Variants in KCNAB1 observed in about 807,000 individuals in gnomAD.
KCNAB1 encodes potassium voltage-gated channel subfamily A regulatory beta subunit 1.
KCNAB1 carries 35 observed loss-of-function variants against 64.6 expected under a neutral mutation model. The ratio of observed to expected loss-of-function variants is 0.54; its 90% CI spans 0.41 to 0.72. The LOEUF is 0.72. Among genes scored for constraint, KCNAB1 ranks in the 30% least tolerant of loss-of-function variants. The probability of loss-of-function intolerance (pLI) is 0.00; values close to 1 mark genes in which losing one functional copy is unlikely to be tolerated. For synonymous variants in KCNAB1, 177 were observed against 183.8 expected (o/e 0.96, Z 0.30); for missense variants, 401 against 512.9 (o/e 0.78, Z 2.11).
chr3:156,290,974 G>A, intron 1 of KCNAB1: 2 of 985,518 alleles, frequency 2.0e-6, no homozygotes, highest in Non-Finnish European at 2.4e-6. Flanking sequence ...CAGTCACAGA[G>A]TATTCACGTG....
rs1187838239 is a variant in KCNAB1 at position 156,140,146 on chromosome 3, A to T, written c.275+19260A>T. ...TCAATAAAAGATAAAAAGAGTTAAG[A>T]CTCTGATCCCAAGCCTCTGGACACT... is the stretch of plus-strand genomic sequence containing the variant. On this transcript the variant is annotated intron_variant, in intron 1 of 13. Coordinates refer to ENST00000490337, the MANE Select transcript of KCNAB1 (RefSeq NM_172160.3). Among the ~76,000 whole-genome samples, 8 of 152,180 alleles carry T rather than the reference A, an allele frequency of 5.3e-5. No homozygotes were observed. In the East Asian group the frequency reaches 1.3e-3, roughly 26 times the overall value.
At chr3:156,536,033 T>C (rs1322193049) in intron 13 of KCNAB1, among the ~76,000 whole-genome samples, 2 of 152,234 alleles carry the variant, frequency 1.3e-5, no homozygotes, top group Non-Finnish European at 2.9e-5. Flanking sequence ...CAGTTCACTT[T>C]TCCATGCTAT....
At chr3:156,268,380 A>T (rs1024811765) in intron 1 of KCNAB1, among the ~76,000 whole-genome samples, 2 of 152,184 alleles carry the variant, frequency 1.3e-5, no homozygotes, top group African/African-American at 4.8e-5. Flanking sequence ...TCTTTTGTGT[A>T]TATCCCTAGC....
intron 1 of KCNAB1, among the ~76,000 whole-genome samples, chr3:156,134,734 T>C (rs543250334): frequency 2.4e-4 from 37 of 152,348 alleles, no homozygotes; most frequent in South Asian, 1.7e-3. Flanking sequence ...AAAATGTTGA[T>C]GGGATGCTTG....
Position 156,249,029 on chromosome 3 carries a change from T to G in KCNAB1, c.275+128143T>G, listed in dbSNP as rs567572826. Among the ~76,000 whole-genome samples the G allele has an allele frequency of 8.1e-4, 24 of 29,490 alleles. No individual in the cohort carries two copies. In the East Asian group the frequency reaches 0.012, roughly 15 times the overall value. 19.3% of individuals were successfully genotyped at this position (29,490 alleles called of 152,430 possible). Reference sequence around the variant, plus strand: ...AGATTTCGATAGAAATCTGGTTGTGTTTTTTTTTTTAATTTTTTAATTTTT... The same window carrying G: ...AGATTTCGATAGAAATCTGGTTGTGGTTTTTTTTTTAATTTTTTAATTTTT... On this transcript the variant is annotated intron_variant, in intron 1 of 13. Transcript: ENST00000490337.
chr3:156,160,372 G>T (rs6441038), intron 1 of KCNAB1, among the ~76,000 whole-genome samples: 89,714 of 151,994 alleles, frequency 0.59, 27,300 homozygotes, highest in East Asian at 0.92. Flanking sequence ...TTAAATAATA[G>T]AACAACTATA....
chr3:156,319,859 A>G (rs1722538271), intron 1 of KCNAB1, among the ~76,000 whole-genome samples: 1 of 152,218 alleles, frequency 6.6e-6, no homozygotes, highest in Non-Finnish European at 1.5e-5. Context: ...GGAAACAAAA[A>G]CTTAGAAATA....
chr3:156,144,621 C>T (rs902844730), intron 1 of KCNAB1, among the ~76,000 whole-genome samples: 5 of 152,142 alleles, frequency 3.3e-5, no homozygotes, highest in East Asian at 1.9e-4. Context: ...AATCTGTCAC[C>T]GGAAGGAGCC....
chr3:156,205,286 G>A (rs553389486), intron 1 of KCNAB1, among the ~76,000 whole-genome samples: 2 of 152,038 alleles, frequency 1.3e-5, no homozygotes, highest in South Asian at 2.1e-4. Flanking sequence ...ATCCACCTTG[G>A]TATGAATTTT....
At chr3:156,414,349 A>G (rs1714904817) in intron 1 of KCNAB1, among the ~76,000 whole-genome samples, 1 of 152,240 alleles carries the variant, frequency 6.6e-6, no homozygotes, top group Admixed American at 6.5e-5. Flanking sequence ...TTTGAAATAT[A>G]GTTCAAAATA....
At chr3:156,321,359 A>G (rs1304857423) in intron 1 of KCNAB1, among the ~76,000 whole-genome samples, 1 of 152,196 alleles carries the variant, frequency 6.6e-6, no homozygotes, top group Non-Finnish European at 1.5e-5. Context: ...TTTTATGTGC[A>G]AGATGGGTAA....
At chr3:156,248,348 A>G (rs1237561921) in intron 1 of KCNAB1, among the ~76,000 whole-genome samples, 2 of 152,048 alleles carry the variant, frequency 1.3e-5, no homozygotes, top group Non-Finnish European at 2.9e-5. Context: ...AGAAATGTTT[A>G]TGGTCAAATG....
intron 1 of KCNAB1, among the ~76,000 whole-genome samples, chr3:156,128,301 C>T (rs1458544442): frequency 6.6e-6 from 1 of 152,010 alleles, no homozygotes; most frequent in African/African-American, 2.4e-5. Flanking sequence ...ACCAAAGGGG[C>T]ACACTGTGTT....
intron 2 of KCNAB1, among the ~76,000 whole-genome samples, chr3:156,431,637 C>T (rs554892732): frequency 2.6e-5 from 4 of 152,322 alleles, no homozygotes; most frequent in South Asian, 2.1e-4. Context: ...CAGTTCTTTT[C>T]AGGCGTATTG....
intron 1 of KCNAB1, among the ~76,000 whole-genome samples, chr3:156,378,654 C>T (rs755714220): frequency 6.6e-5 from 10 of 152,130 alleles, no homozygotes; most frequent in Non-Finnish European, 1.5e-4. Context: ...TATGTGCACT[C>T]ACTTCATCTC....
rs149800391 is a variant in KCNAB1, at chr3:156,255,110, A to G, written c.275+134224A>G. Among the ~76,000 whole-genome samples the G allele has an allele frequency of 2.5e-3, 385 of 152,290 alleles. 1 individual carries two copies. The highest frequency in any genetic ancestry group is 8.8e-3 in the African/African-American group (367 of 41,566). ...CAGCCCATTAGTTGGAGGGCCTTTC[A>G]GCAACACGGCCTATCTGTCCCAGTG... On this transcript the variant is annotated intron_variant, in intron 1 of 13. Coordinates refer to ENST00000490337, the MANE Select transcript of KCNAB1 (RefSeq NM_172160.3).
chr3:156,266,200 T>C (rs1306850090), intron 1 of KCNAB1, among the ~76,000 whole-genome samples: 11 of 151,344 alleles, frequency 7.3e-5, no homozygotes, highest in Admixed American at 7.2e-4. Flanking sequence ...CCTCTGCCAA[T>C]ATTCTGAACA....
At chr3:156,336,341 A>G (rs1173433718) in intron 1 of KCNAB1, among the ~76,000 whole-genome samples, 2 of 151,160 alleles carry the variant, frequency 1.3e-5, no homozygotes, top group Non-Finnish European at 3.0e-5. Flanking sequence ...CAGCCTGGAC[A>G]ACAGAGTGAG....
chr3:156,401,916 T>TAG (rs1713921960), intron 1 of KCNAB1, among the ~76,000 whole-genome samples: 2 of 151,858 alleles, frequency 1.3e-5, no homozygotes, highest in Non-Finnish European at 2.9e-5. Context: ...CAAATTGTGG[T>TAG]TTGACTTTTT....
Sources: allele counts gnomAD v4.1 joint callset (sites outside exome capture counted in the v4.1 genomes callset), GRCh38; gene constraint gnomAD v4.1.1; transcripts MANE v1.5; gene names NCBI Gene and HGNC (gene_info 2026-07-23, HGNC 2026-07-21).